The following ZNF385B variants were observed in gnomAD, a reference collection of about 807,000 sequenced individuals.
ZNF385B encodes zinc finger protein 533.
In ZNF385B, 23 loss-of-function variants were observed where a neutral mutation model predicts 39.2. The observed-to-expected ratio is 0.59, with a 90% confidence interval of 0.42 to 0.83. ZNF385B has a LOEUF of 0.83. Among genes scored for constraint, ZNF385B ranks in the 40% least tolerant of loss-of-function variants. ZNF385B has a pLI of 0.00. For missense variants in ZNF385B, 552 were observed against 598.9 expected (o/e 0.92, Z 0.82); for synonymous variants, 205 against 222.6 (o/e 0.92, Z 0.70).
At chr2:179,752,156 T>C (rs1464193249) in intron 3 of ZNF385B, among the ~76,000 whole-genome samples, 1 of 152,072 alleles carries the variant, frequency 6.6e-6, no homozygotes, top group Non-Finnish European at 1.5e-5. Context: ...CATTGTTCAA[T>C]TCCCACCTAT....
At chr2:179,445,435 T>A in intron 8 of ZNF385B, 115 bp downstream of exon 8, 1 of 985,500 alleles carries the variant, frequency 1.0e-6, no homozygotes, top group Non-Finnish European at 1.5e-6. Context: ...GTCTGCATCC[T>A]ACAAAAGTTA....
At chr2:179,745,699 A>G in intron 3 of ZNF385B, 1 of 1,540,240 alleles carries the variant, frequency 6.5e-7, no homozygotes, top group South Asian at 1.2e-5. Context: ...AAGTTTTAGA[A>G]TAAAAACGCT....
chr2:179,614,946 T>G (rs1173983558), intron 3 of ZNF385B, among the ~76,000 whole-genome samples: 3 of 152,246 alleles, frequency 2.0e-5, no homozygotes, highest in African/African-American at 7.2e-5. Flanking sequence ...CTGGTATTTG[T>G]CCTACTTAAG....
chr2:179,476,033 A>T, intron 6 of ZNF385B, among the ~76,000 whole-genome samples: 1 of 151,064 alleles, frequency 6.6e-6, no homozygotes, highest in Admixed American at 6.6e-5. Flanking sequence ...AAAAAAAAAA[A>T]AAAAAAAAGC....
At chr2:179,538,216 G>A (rs974967894) in intron 4 of ZNF385B, among the ~76,000 whole-genome samples, 2 of 152,004 alleles carry the variant, frequency 1.3e-5, no homozygotes, top group Non-Finnish European at 2.9e-5. Flanking sequence ...TTAGAGTGAC[G>A]AAGACTCAAA....
chr2:179,648,262 A>C (rs1301165535), intron 3 of ZNF385B, among the ~76,000 whole-genome samples: 1 of 152,102 alleles, frequency 6.6e-6, no homozygotes, highest in Admixed American at 6.5e-5. Flanking sequence ...TAATAAGGAA[A>C]GGTGGCAGTG....
At chr2:179,464,850 C>G (rs949217612) in intron 6 of ZNF385B, among the ~76,000 whole-genome samples, 1 of 151,602 alleles carries the variant, frequency 6.6e-6, no homozygotes, top group Non-Finnish European at 1.5e-5. Context: ...TGGATAAAAC[C>G]TCTTTCCTAT....
At chr2:179,761,226 G>T (rs1232618218) in intron 3 of ZNF385B, among the ~76,000 whole-genome samples, 2 of 151,990 alleles carry the variant, frequency 1.3e-5, no homozygotes, top group Non-Finnish European at 2.9e-5. Flanking sequence ...CTAGCTAAAA[G>T]GTCTGTGCTT....
intron 6 of ZNF385B, among the ~76,000 whole-genome samples, chr2:179,472,768 C>T (rs1307880051): frequency 1.3e-5 from 2 of 152,158 alleles, no homozygotes; most frequent in Non-Finnish European, 2.9e-5. Context: ...ACCCCCCCTC[C>T]CTAGCCTTTT....
chr2:179,657,098 G>A (rs981081054), intron 3 of ZNF385B, among the ~76,000 whole-genome samples: 3 of 152,198 alleles, frequency 2.0e-5, no homozygotes, highest in African/African-American at 7.2e-5. Context: ...CTGTATTGGG[G>A]CAGGGAAGGG....
At chr2:179,737,096 T>C (rs1014870516) in intron 3 of ZNF385B, among the ~76,000 whole-genome samples, 2 of 152,244 alleles carry the variant, frequency 1.3e-5, no homozygotes, top group African/African-American at 4.8e-5. Context: ...TGTTAAGTTG[T>C]CATTCAAATG....
chr2:179,555,781 T>C (rs1302707408), intron 3 of ZNF385B, among the ~76,000 whole-genome samples: 1 of 148,618 alleles, frequency 6.7e-6, no homozygotes, highest in Non-Finnish European at 1.5e-5. Context: ...AAGAGAAAAA[T>C]GTATATCTAG....
At chr2:179,714,950 A>AAAAAAAAAAAAAAAAAAAAAC (rs1575323154) in intron 3 of ZNF385B, among the ~76,000 whole-genome samples, 1 of 150,876 alleles carries the variant, frequency 6.6e-6, no homozygotes, top group Non-Finnish European at 1.5e-5. Context: ...CTCAAAAAAA[A>AAAAAAAAAAAAAAAAAAAAAC]AAAAAAAAAA....
At chr2:179,740,902 A>G (rs534434691) in intron 3 of ZNF385B, among the ~76,000 whole-genome samples, 28 of 152,186 alleles carry the variant, frequency 1.8e-4, no homozygotes, top group Middle Eastern at 3.2e-3. Context: ...AGATTGAAAT[A>G]AGGGTATAGT....
At chr2:179,805,600 T>C (rs1706300228) in intron 1 of ZNF385B, among the ~76,000 whole-genome samples, 1 of 152,246 alleles carries the variant, frequency 6.6e-6, no homozygotes, top group Non-Finnish European at 1.5e-5. Context: ...TAGGTTTATG[T>C]GGCAAATTAC....
chr2:179,490,522 T>C (rs981394971), intron 5 of ZNF385B, among the ~76,000 whole-genome samples: 1 of 151,968 alleles, frequency 6.6e-6, no homozygotes, highest in African/African-American at 2.4e-5. Flanking sequence ...CACAGAAACA[T>C]GGAGAAGTTA....
chr2:179,523,799 C>T (rs913891593), intron 4 of ZNF385B, among the ~76,000 whole-genome samples: 9 of 152,144 alleles, frequency 5.9e-5, no homozygotes, highest in African/African-American at 2.2e-4. Context: ...TTTATCTGTA[C>T]TATTTATTTT....
At chr2:179,690,713 G>T (rs2106343118) in intron 3 of ZNF385B, among the ~76,000 whole-genome samples, 1 of 152,234 alleles carries the variant, frequency 6.6e-6, no homozygotes, top group Non-Finnish European at 1.5e-5. Context: ...ATTTTTCTAT[G>T]CCTCAGTTTT....
At chr2:179,484,923 G>A (rs956466579) in intron 5 of ZNF385B, among the ~76,000 whole-genome samples, 7 of 152,096 alleles carry the variant, frequency 4.6e-5, no homozygotes, top group African/African-American at 1.4e-4. Flanking sequence ...CTAGAGTGCC[G>A]GAACAGTGAG....
Sources: gnomAD v4.1 joint callset for allele counts (sites outside exome capture counted in the v4.1 genomes callset) on GRCh38, gnomAD v4.1.1 for gene constraint, MANE v1.5 for transcripts, NCBI Gene and HGNC (gene_info 2026-07-23, HGNC 2026-07-21) for gene names.